Variants in DCC observed in about 807,000 individuals in gnomAD.
DCC encodes DCC netrin 1 receptor.
DCC carries 58 observed loss-of-function variants against 172.5 expected under a neutral mutation model. The ratio of observed to expected loss-of-function variants is 0.34; its 90% CI spans 0.27 to 0.42. DCC has a LOEUF of 0.42. Ranked by LOEUF, DCC falls within the 10% of genes least tolerant of loss-of-function variation. DCC has a pLI of 1.00. For missense variants in DCC, 1,740 were observed against 1,791.0 expected (o/e 0.97, Z 0.51); for synonymous variants, 709 against 644.5 (o/e 1.10, Z -1.52).
At chr18:53,361,354 C>T (rs1038152210) in intron 15 of DCC, among the ~76,000 whole-genome samples, 8 of 152,150 alleles carry the variant, frequency 5.3e-5, no homozygotes, top group African/African-American at 1.9e-4. Flanking sequence ...CTTTCCCCCC[C>T]AATCTCCTAA....
intron 7 of DCC, among the ~76,000 whole-genome samples, chr18:53,088,746 C>T (rs184256891): frequency 6.6e-6 from 1 of 152,228 alleles, no homozygotes; most frequent in African/African-American, 2.4e-5. Context: ...TAAACCATTG[C>T]TACCTGGAGT....
At chr18:52,574,716 G>T (rs554134910) in intron 1 of DCC, among the ~76,000 whole-genome samples, 1 of 152,202 alleles carries the variant, frequency 6.6e-6, no homozygotes, top group Admixed American at 6.5e-5. Flanking sequence ...AAACAACTTT[G>T]TTGTTTTCTT....
chr18:52,921,014 T>A (rs1308570214), intron 3 of DCC, among the ~76,000 whole-genome samples: 3 of 152,074 alleles, frequency 2.0e-5, no homozygotes, highest in African/African-American at 7.2e-5. Context: ...TGCCTGGAGT[T>A]TGGTAGGGAT....
chr18:53,086,403 T>TTTCTTC lies in DCC; in HGVS notation c.1261+20256_1261+20261dup, dbSNP rs932269597. On this transcript the variant is annotated intron_variant, in intron 7 of 28. Coordinates refer to ENST00000442544, the MANE Select transcript of DCC (RefSeq NM_005215.4). ...CCTTTCTTCTTCTTCTTCTTCTTCC[T>TTTCTTC]TTCTTCTTCTTCTTCTTCTTCTTCC... Among the ~76,000 whole-genome samples, 4 of 32,354 alleles carry TTTCTTC rather than the reference T, an allele frequency of 1.2e-4. 1 individual carries two copies. The highest frequency in any genetic ancestry group is 4.3e-4 in the East Asian group (1 of 2,336). 21.2% of individuals were successfully genotyped at this position (32,354 alleles called of 152,430 possible).
At chr18:53,190,458 CTGTGTG>C (rs67103778) in intron 9 of DCC, among the ~76,000 whole-genome samples, 8,625 of 146,278 alleles carry the variant, frequency 0.059, 279 homozygotes, top group African/African-American at 0.1. Flanking sequence ...ACTGCTAACT[CTGTGTG>C]TGTGTGTGTG....
At chr18:52,564,488 C>T (rs1362167629) in intron 1 of DCC, among the ~76,000 whole-genome samples, 1 of 151,844 alleles carries the variant, frequency 6.6e-6, no homozygotes, top group Non-Finnish European at 1.5e-5. Context: ...TAATTTTGTC[C>T]TCTAGGTTTT....
intron 5 of DCC, among the ~76,000 whole-genome samples, chr18:53,058,327 T>C (rs1305465660): frequency 2.6e-5 from 4 of 152,126 alleles, no homozygotes; most frequent in African/African-American, 9.7e-5. Flanking sequence ...CTCTGAGTTA[T>C]TAAATATAAA....
intron 1 of DCC, among the ~76,000 whole-genome samples, chr18:52,362,154 G>T (rs1410479664): frequency 6.6e-6 from 1 of 152,200 alleles, no homozygotes; most frequent in Admixed American, 6.5e-5. Flanking sequence ...GAAGGAAAAG[G>T]CCAGTCCCTG....
chr18:52,923,561 GAAA>G, intron 3 of DCC, 143 bp from the exon 4 acceptor site: 1 of 695,988 alleles, frequency 1.4e-6, no homozygotes, highest in Non-Finnish European at 2.5e-6. Context: ...CACTTGGGAT[GAAA>G]AAAACTATTT....
chr18:52,424,441 C>T (rs1171209999), intron 1 of DCC, among the ~76,000 whole-genome samples: 1 of 152,052 alleles, frequency 6.6e-6, no homozygotes, highest in Non-Finnish European at 1.5e-5. Flanking sequence ...GGACAAAGTT[C>T]GTAGGGGAAG....
chr18:53,499,234 A>G (rs2046065312), intron 26 of DCC, 64 bp from the exon 27 acceptor site: 39 of 1,531,102 alleles, frequency 2.5e-5, no homozygotes, highest in Non-Finnish European at 3.4e-5. Flanking sequence ...GGACTGTTCC[A>G]GTGACTTAAG....
intron 1 of DCC, among the ~76,000 whole-genome samples, chr18:52,638,280 CAAAA>C: frequency 6.7e-6 from 1 of 149,878 alleles, no homozygotes; most frequent in African/African-American, 2.4e-5. Flanking sequence ...AAACAAAAAA[CAAAA>C]AAAAACAAAG....
intron 2 of DCC, among the ~76,000 whole-genome samples, chr18:52,769,324 C>T (rs766415792): frequency 1.1e-4 from 17 of 152,168 alleles, no homozygotes; most frequent in Non-Finnish European, 2.1e-4. Context: ...TTCCTAATGA[C>T]ATATGATATA....
At chr18:52,473,846 T>C (rs914220719) in intron 1 of DCC, among the ~76,000 whole-genome samples, 4 of 152,178 alleles carry the variant, frequency 2.6e-5, no homozygotes, top group African/African-American at 7.2e-5. Flanking sequence ...GAGTCATTGA[T>C]TGTGGCCCTA....
intron 27 of DCC, among the ~76,000 whole-genome samples, chr18:53,523,527 G>A (rs1190894926): frequency 2.0e-5 from 3 of 152,264 alleles, no homozygotes; most frequent in Non-Finnish European, 2.9e-5. Flanking sequence ...ATCAGTGACA[G>A]ACTGGATAAA....
chr18:52,928,171 G>A (rs955992806), intron 5 of DCC, among the ~76,000 whole-genome samples: 18 of 152,046 alleles, frequency 1.2e-4, no homozygotes, highest in Non-Finnish European at 1.0e-4. Context: ...ATCAAATATG[G>A]CATTTTCCTA....
intron 2 of DCC, among the ~76,000 whole-genome samples, chr18:52,783,323 CTTTT>C (rs374129823): frequency 3.4e-5 from 2 of 59,256 alleles, no homozygotes; most frequent in African/African-American, 8.0e-5. Flanking sequence ...TACTACTACT[CTTTT>C]TTTTTTTTTT....
At chr18:53,065,095 T>C (rs2042547585) in intron 6 of DCC, among the ~76,000 whole-genome samples, 1 of 152,226 alleles carries the variant, frequency 6.6e-6, no homozygotes. Flanking sequence ...AGAGCCATTT[T>C]CTGTCACACA....
chr18:53,512,752 G>C (rs866528887), intron 27 of DCC, among the ~76,000 whole-genome samples: 1,896 of 148,320 alleles, frequency 0.013, 70 homozygotes, highest in African/African-American at 0.047. Context: ...AAGAAGGGAA[G>C]TTTAGAGAAA....
Sources: gnomAD v4.1 joint callset for allele counts (sites outside exome capture counted in the v4.1 genomes callset) on GRCh38, gnomAD v4.1.1 for gene constraint, MANE v1.5 for transcripts, NCBI Gene and HGNC (gene_info 2026-07-23, HGNC 2026-07-21) for gene names.